Variants in SYNE1 observed in about 807,000 individuals in gnomAD.
SYNE1 encodes the protein nesprin-1.
SYNE1 carries 616 observed loss-of-function variants against 1,111.0 expected under a neutral mutation model. The observed-to-expected ratio is 0.55, with a 90% CI of 0.52 to 0.59. The LOEUF (loss-of-function observed/expected upper bound fraction) is 0.59, where lower values mean the gene tolerates loss of function less well. Ranked by LOEUF, SYNE1 falls within the 20% of genes least tolerant of loss-of-function variation. SYNE1 has a pLI of 0.00. For synonymous variants in SYNE1, 3,855 were observed against 3,825.8 expected (o/e 1.01, Z -0.28); for missense variants, 10,006 against 10,417.0 (o/e 0.96, Z 1.72).
chr6:152,566,771 T>G (rs2099414924), intron 3 of SYNE1, among the ~76,000 whole-genome samples: 1 of 152,082 alleles, frequency 6.6e-6, no homozygotes, highest in Non-Finnish European at 1.5e-5. Context: ...GTTGTAAGAG[T>G]GACTTCCATT....
intron 101 of SYNE1, among the ~76,000 whole-genome samples, chr6:152,258,202 G>A (rs1271916085): frequency 2.0e-5 from 3 of 152,148 alleles, no homozygotes; most frequent in Admixed American, 6.5e-5. Flanking sequence ...TCCCAAACAT[G>A]ATAGAACCTG....
In SYNE1 at chr6:152,428,291, C is replaced by T. The variant is rs777874189; in HGVS notation, c.4890G>A (p.Ala1630=). 5 of 1,614,122 alleles carry T rather than the reference C, an allele frequency of 3.1e-6. No homozygotes were observed. Among genetic ancestry groups the T allele is most frequent in the Admixed American group, 3.3e-5 (2 of 60,020 alleles). The stretch of plus-strand genomic sequence containing the variant: ...TGTCCTCGTATTGCTGCTGTAGAGC[C>T]GCAGCCTCCTGAACACAGGAATCTC... ...VNRDSCVQEA[A]ALQQQYEDIL... is the part of the protein sequence containing the mutation. The change falls in exon 37 of 146, where the codon GCG becomes GCA. Residue 1630 remains alanine (A), a synonymous_variant. Coordinates refer to ENST00000367255, the MANE Select transcript of SYNE1 (RefSeq NM_182961.4).
At position 152,281,853 on chromosome 6, in the gene SYNE1, G is replaced by A. The variant is rs2094048062; in HGVS notation, c.18335C>T (p.Pro6112Leu). 3 of 1,614,034 alleles carry A rather than the reference G, an allele frequency of 1.9e-6. No homozygotes were observed. The African/African-American group carries it at 4.0e-5, about 22-fold the overall frequency. ...TKATLDTALS[P>L]PKEPMDMEAQ... ...CTCCATGTCCATGGGCTCCTTGGGT[G>A]GACTCAGCGCAGTGTCCAGAGTGGC... Residue 6112 changes from proline (P) to leucine (L), a missense_variant, in exon 97 of 146, where the codon CCA (proline) becomes CTA (leucine). Pro to Leu is a moderately conservative substitution (Grantham distance 98). Around this residue, in one of 7 missense-constraint regions of SYNE1, gnomAD observed 99 missense variants for 147.8 expected, o/e 0.67. Transcript: ENST00000367255.
chr6:152,614,022 C>T (rs2099639216), intron 3 of SYNE1, among the ~76,000 whole-genome samples: 1 of 152,192 alleles, frequency 6.6e-6, no homozygotes, highest in South Asian at 2.1e-4. Flanking sequence ...AGACTTAAAA[C>T]CACAGAAACC....
intron 13 of SYNE1, among the ~76,000 whole-genome samples, chr6:152,483,857 T>C (rs2098923748): frequency 6.6e-6 from 1 of 151,648 alleles, no homozygotes; most frequent in Admixed American, 6.6e-5. Flanking sequence ...TTGAGGTGCT[T>C]AGGAACTAGC....
chr6:152,310,453 T>C lies in SYNE1; in HGVS notation c.16962A>G (p.Thr5654=), dbSNP rs1159863534. Reference sequence around the variant, plus strand: ...GACGTCCAACTTCTGGAGAAGTCAGTGTTGCCTGGGCTTGCTCCAAGGCAG... The same window carrying C: ...GACGTCCAACTTCTGGAGAAGTCAGCGTTGCCTGGGCTTGCTCCAAGGCAG... The part of the protein sequence containing the change: ...LQAALEQAQA[T]LTSPEVGRLS... Residue 5654 remains threonine (T), a synonymous_variant, in exon 89 of 146, where the codon ACA becomes ACG. Coordinates refer to ENST00000367255, the MANE Select transcript of SYNE1 (RefSeq NM_182961.4). The C allele has an allele frequency of 6.2e-7, 1 of 1,614,188 alleles. No individual in the cohort carries two copies. Among genetic ancestry groups the C allele is most frequent in the Non-Finnish European group, 8.5e-7 (1 of 1,180,032 alleles).
intron 137 of SYNE1, chr6:152,146,395 T>A (rs974113254): frequency 2.0e-5 from 3 of 152,126 alleles, no homozygotes; most frequent in Non-Finnish European, 4.4e-5. Flanking sequence ...ATCAATATAA[T>A]TATTAATATT....
intron 92 of SYNE1, 58 bp from the exon 93 acceptor site, chr6:152,300,839 G>A: frequency 6.2e-7 from 1 of 1,613,342 alleles, no homozygotes; most frequent in Middle Eastern, 1.7e-4. Flanking sequence ...GTTAACATAA[G>A]TCCTGTTCAG....
At chr6:152,404,543 C>T (rs1389867512) in intron 45 of SYNE1, among the ~76,000 whole-genome samples, 1 of 139,448 alleles carries the variant, frequency 7.2e-6, no homozygotes, top group East Asian at 2.4e-4. Context: ...TTTTTCTCCA[C>T]TCCTTTGTAT....
At chr6:152,510,915 C>A in intron 7 of SYNE1, 96 bp downstream of exon 7, 1 of 1,133,394 alleles carries the variant, frequency 8.8e-7, no homozygotes, top group Non-Finnish European at 1.3e-6. Flanking sequence ...AAGGATCAAC[C>A]CCAAAGATAT....
At chr6:152,455,644 T>C (rs2098690593) in intron 23 of SYNE1, 54 bp from the exon 24 acceptor site, 2 of 1,607,900 alleles carry the variant, frequency 1.2e-6, no homozygotes, top group Non-Finnish European at 1.7e-6. Context: ...ACTGAAAGGA[T>C]CATTTTGTTA....
At chr6:152,467,229 C>A (rs2098775394) in intron 16 of SYNE1, among the ~76,000 whole-genome samples, 1 of 152,010 alleles carries the variant, frequency 6.6e-6, no homozygotes, top group South Asian at 2.1e-4. Context: ...CATTCAATAA[C>A]TTTAATTGGC....
chr6:152,353,556 TG>T (rs768521258), intron 68 of SYNE1, 32 bp downstream of exon 68: 2 of 1,614,126 alleles, frequency 1.2e-6, no homozygotes, highest in East Asian at 4.5e-5. Flanking sequence ...CGAAGTTTGC[TG>T]GTCTATGCTG....
intron 31 of SYNE1, among the ~76,000 whole-genome samples, chr6:152,441,604 A>G (rs1303187747): frequency 2.0e-5 from 3 of 152,260 alleles, no homozygotes; most frequent in Non-Finnish European, 4.4e-5. Context: ...CAAGAAAGGA[A>G]GCACAGAAGA....
At chr6:152,180,807 C>T (rs1029156444) in intron 128 of SYNE1, among the ~76,000 whole-genome samples, 6 of 152,084 alleles carry the variant, frequency 3.9e-5, no homozygotes, top group East Asian at 1.9e-4. Context: ...AGCATCCAAG[C>T]GAAGCGGCCT....
chr6:152,433,604 A>C, intron 34 of SYNE1, 191 bp downstream of exon 34: 4 of 617,798 alleles, frequency 6.5e-6, no homozygotes, highest in Non-Finnish European at 1.1e-5. Flanking sequence ...ATGTGAATAC[A>C]TAATTCCAAC....
At chr6:152,157,937 T>G (rs2152969494) in intron 131 of SYNE1, among the ~76,000 whole-genome samples, 1 of 152,190 alleles carries the variant, frequency 6.6e-6, no homozygotes, top group East Asian at 1.9e-4. Flanking sequence ...TTTTGTGTTT[T>G]TAGTAGAGAC....
intron 3 of SYNE1, among the ~76,000 whole-genome samples, chr6:152,593,641 T>G (rs140130646): frequency 6.6e-6 from 1 of 152,014 alleles, no homozygotes; most frequent in African/African-American, 2.4e-5. Flanking sequence ...GACTCTATAG[T>G]TGTGATCTCA....
Position 152,333,875 on chromosome 6 carries a change from C to T in SYNE1, c.12794+133G>A, listed in dbSNP as rs566051268. The T allele has an allele frequency of 4.3e-5, 53 of 1,229,606 alleles. 1 individual carries two copies. The South Asian group carries it at 6.0e-4, about 14-fold the overall frequency. 76.2% of individuals were successfully genotyped at this position (1,229,606 alleles called of 1,614,324 possible). ...CTCGAACTCCTGACCTCAACTAATCCACCCGCCTCAGCCTCCTAAAGTGCT... is the reference window on the plus strand; with the variant it reads ...CTCGAACTCCTGACCTCAACTAATCTACCCGCCTCAGCCTCCTAAAGTGCT... On this transcript the variant is annotated intron_variant, in intron 77 of 145. Coordinates refer to ENST00000367255, the MANE Select transcript of SYNE1 (RefSeq NM_182961.4).
Sources: gnomAD v4.1 joint callset for allele counts (sites outside exome capture counted in the v4.1 genomes callset) on GRCh38, gnomAD v4.1.1 for gene constraint, gnomAD v4.1.1 regional missense constraint, MANE v1.5 for transcripts, NCBI Gene and HGNC (gene_info 2026-07-23, HGNC 2026-07-21) for gene names.